Variants in MXD3 observed in about 807,000 individuals in gnomAD.
MXD3 encodes the protein Max-associated protein 3.
In MXD3, 20 loss-of-function variants were observed where a neutral mutation model predicts 27.5. The observed-to-expected ratio is 0.73, with a 90% CI of 0.51 to 1.06. The LOEUF (loss-of-function observed/expected upper bound fraction) is 1.06. MXD3 is among the 50% of genes least tolerant of loss of function. The probability of loss-of-function intolerance (pLI) is 0.00; values close to 1 mark genes in which losing one functional copy is unlikely to be tolerated. For missense variants in MXD3, 298 were observed against 291.3 expected, an observed-to-expected ratio of 1.02 and a Z score of -0.17; for synonymous variants, 150 against 130.7, an observed-to-expected ratio of 1.15 and a Z score of -1.01.
At position 177,310,520 on chromosome 5, in the gene MXD3, C is replaced by T. The variant is rs746466688; in HGVS notation, c.227G>A (p.Cys76Tyr). ...CATCTGCTGCTTCAGCCGCTCCAGG[C>T]ACCGCTTCAACTGGGCCCTCCTGTG... ...EKRRRAQLKR[C>Y]LERLKQQMPL... The change falls in exon 4 of 6, where the codon TGC (cysteine) becomes TAC (tyrosine). Residue 76 changes from cysteine to tyrosine, a missense_variant. Transcript: ENST00000439742. The T allele has an allele frequency of 9.9e-5, 160 of 1,611,644 alleles. No individual in the cohort carries two copies. The highest frequency in any genetic ancestry group is 8.3e-4 in the Middle Eastern group (5 of 6,056).
chr5:177,309,815 T>G (rs1396884587), intron 4 of MXD3, among the ~76,000 whole-genome samples: 1 of 152,250 alleles, frequency 6.6e-6, no homozygotes, highest in Non-Finnish European at 1.5e-5. Context: ...AGGCCACTTC[T>G]GACATGGCCA....
downstream of MXD3, chr5:177,305,764 A>G (rs1404480231): frequency 1.1e-6 from 1 of 913,346 alleles, no homozygotes; most frequent in East Asian, 2.6e-5. Context: ...GAAGGAATGG[A>G]TTTTCATTGT....
chr5:177,311,391 T>G lies in MXD3; in HGVS notation c.164A>C (p.Gln55Pro). Reference protein sequence around the residue: ...KKRPPQAPGAQDSGRSVHNEL... With the variant: ...KKRPPQAPGAPDSGRSVHNEL... ...CCGGCCTCCTCACCGCCCGCTGTCC[T>G]GCGCGCCAGGAGCCTGGGGGGGTCG... Residue 55 changes from glutamine to proline, a missense_variant, in exon 2 of 6, where the codon CAG (glutamine) becomes CCG (proline). Physicochemically the swap from Gln to Pro is moderately conservative, Grantham distance 76. Transcript: ENST00000439742. The G allele has an allele frequency of 7.3e-7, 1 of 1,367,694 alleles. No individual in the cohort carries two copies. Among genetic ancestry groups the G allele is most frequent in the Non-Finnish European group, 9.5e-7 (1 of 1,057,794 alleles). The allele number at this position is 1,367,694 out of a possible 1,614,324, so 84.7% of individuals were successfully genotyped here.
At chr5:177,311,908 C>G (rs2127304223), upstream of MXD3, 1 of 1,527,998 alleles carries the variant, frequency 6.5e-7, no homozygotes, top group East Asian at 2.4e-5. Context: ...TACAAAGTAA[C>G]TGACACGGTG....
chr5:177,306,299 G>A, downstream of MXD3: 2 of 1,566,180 alleles, frequency 1.3e-6, no homozygotes, highest in Non-Finnish European at 8.8e-7. Context: ...CTGGGGGTGG[G>A]AGGAGGGTGA....
chr5:177,311,141 G>A, intron 2 of MXD3: 1 of 523,452 alleles, frequency 1.9e-6, no homozygotes, highest in Non-Finnish European at 3.4e-6. Context: ...AGTGGAAGCG[G>A]GACCCCAACT....
In MXD3 at chr5:177,311,475, T is replaced by C; in HGVS notation, c.80A>G (p.His27Arg). Residue 27 changes from histidine (H) to arginine (R), a missense_variant, in exon 2 of 6, where the codon CAT (histidine) becomes CGT (arginine). His to Arg is a conservative substitution (Grantham distance 29). Transcript: ENST00000439742. ...FLERREREAE[H>R]GYASLCPHRS... ...ATGCGGGCACAGGGACGCATAACCA[T>C]GCTCGGCCTCTGCCAGAGAGAGTCC... is the stretch of plus-strand genomic sequence containing the variant. The C allele has an allele frequency of 5.6e-6, 8 of 1,428,220 alleles. No homozygotes were observed. The highest frequency in any genetic ancestry group is 6.4e-6 in the Non-Finnish European group (7 of 1,092,126). The allele number at this position is 1,428,220 out of a possible 1,614,324, so 88.5% of individuals were successfully genotyped here.
chr5:177,312,102 A>G (rs1434728328), upstream of MXD3: 1 of 1,154,846 alleles, frequency 8.7e-7, no homozygotes, highest in African/African-American at 1.7e-5. Context: ...CTGGCCCTGG[A>G]GCGAACCCTC....
downstream of MXD3, chr5:177,307,063 A>G: frequency 6.9e-7 from 1 of 1,457,846 alleles, no homozygotes; most frequent in South Asian, 1.5e-5. Flanking sequence ...TGAAGTGGAG[A>G]CAGAACAGCC....
At position 177,307,824 on chromosome 5, in the gene MXD3, C is replaced by G; in HGVS notation, c.462G>C (p.Leu154=). The change falls in exon 5 of 6, where the codon CTG becomes CTC. Residue 154 remains leucine (L), a synonymous_variant. Transcript: ENST00000439742. ...GCTCAGAGGAGAGGCCTGAGGAGTC[C>G]AGACTGTCCGCCCGCAGCCGCTCCC... ...AERERLRADS[L]DSSGLSSERS... 6.2e-7 allele frequency: 1 copy of G among 1,612,540 alleles called. No homozygotes were observed. The highest frequency in any genetic ancestry group is 8.5e-7 in the Non-Finnish European group (1 of 1,179,664).
At chr5:177,310,302 G>A in intron 4 of MXD3, 124 bp downstream of exon 4, 2 of 686,582 alleles carry the variant, frequency 2.9e-6, no homozygotes, top group Non-Finnish European at 4.9e-6. Flanking sequence ...TCAGAGAGCT[G>A]TCCTAAGTCA....
intron 4 of MXD3, among the ~76,000 whole-genome samples, chr5:177,309,657 A>C (rs1386485561): frequency 6.6e-6 from 1 of 152,258 alleles, no homozygotes; most frequent in Non-Finnish European, 1.5e-5. Flanking sequence ...AGTGCTCAGT[A>C]AACACTTGTC....
chr5:177,311,926 C>T, upstream of MXD3: 1 of 1,425,236 alleles, frequency 7.0e-7, no homozygotes, highest in Middle Eastern at 2.2e-4. Context: ...GTGCAACAAA[C>T]ACAGGGGCCC....
downstream of MXD3, chr5:177,307,135 A>G (rs369062217): frequency 1.1e-4 from 171 of 1,533,552 alleles, no homozygotes; most frequent in Non-Finnish European, 2.7e-5. Context: ...ATGGGAACTG[A>G]TATTATTTCC....
intron 4 of MXD3, among the ~76,000 whole-genome samples, chr5:177,309,041 C>T (rs1760972453): frequency 6.6e-6 from 1 of 152,348 alleles, no homozygotes; most frequent in African/African-American, 2.4e-5. Context: ...GAGGCAAACA[C>T]AGGGAGGAAG....
chr5:177,311,712 C>G (rs1233732524), intron 1 of MXD3, 49 bp downstream of exon 1: 18 of 1,578,470 alleles, frequency 1.1e-5, no homozygotes, highest in Non-Finnish European at 1.6e-5. Flanking sequence ...AGTCCAGGCC[C>G]GTGTCAGCGA....
intron 2 of MXD3, chr5:177,311,030 A>G: frequency 1.8e-6 from 1 of 564,132 alleles, no homozygotes. Flanking sequence ...GGGGCATTCA[A>G]ATAGGAGGGA....
intron 1 of MXD3, 111 bp from the exon 2 acceptor site, chr5:177,311,595 C>CCA: frequency 8.7e-7 from 1 of 1,147,262 alleles, no homozygotes; most frequent in Non-Finnish European, 1.2e-6. Context: ...ACCATTTCCC[C>CCA]CACCCGTCCC....
downstream of MXD3, chr5:177,307,152 A>G (rs574112845): frequency 1.3e-6 from 2 of 1,542,718 alleles, no homozygotes; most frequent in African/African-American, 1.4e-5. Context: ...TTCCTCTTCC[A>G]GTGGGTCTGT....
Sources: allele counts gnomAD v4.1 joint callset (sites outside exome capture counted in the v4.1 genomes callset), GRCh38; gene constraint gnomAD v4.1.1; transcripts MANE v1.5; gene names NCBI Gene and HGNC (gene_info 2026-07-23, HGNC 2026-07-21).